Variants in PCDHGA3 observed in about 807,000 individuals in gnomAD.
PCDHGA3 encodes protocadherin gamma-A3.
PCDHGA3 carries 40 observed loss-of-function variants against 58.5 expected under a neutral mutation model. The ratio of observed to expected loss-of-function variants is 0.68; its 90% CI spans 0.53 to 0.89. The LOEUF (loss-of-function observed/expected upper bound fraction) is 0.89. Among genes scored for constraint, PCDHGA3 ranks in the 40% least tolerant of loss-of-function variants. PCDHGA3 has a pLI of 0.00. For missense variants in PCDHGA3, 1,223 were observed against 1,195.9 expected, an observed-to-expected ratio of 1.02 and a Z score of -0.33; for synonymous variants, 530 against 525.7, an observed-to-expected ratio of 1.01 and a Z score of -0.11.
chr5:141,415,828 G>T, intron 1 of PCDHGA3: 1 of 1,293,336 alleles, frequency 7.7e-7, no homozygotes, highest in East Asian at 2.8e-5. Flanking sequence ...ATAAGGCTTT[G>T]TTATGATTAG....
intron 1 of PCDHGA3, chr5:141,414,081 T>G: frequency 6.2e-7 from 1 of 1,601,774 alleles, no homozygotes; most frequent in Non-Finnish European, 8.5e-7. Context: ...ACAAATATAC[T>G]GGAGAAATAA....
intron 1 of PCDHGA3, chr5:141,356,177 G>A: frequency 6.2e-7 from 1 of 1,612,412 alleles, no homozygotes; most frequent in Non-Finnish European, 8.5e-7. Flanking sequence ...GATGGGCCTG[G>A]TCTCCGAGCT....
intron 1 of PCDHGA3, chr5:141,408,003 C>A: frequency 3.3e-6 from 3 of 917,520 alleles, no homozygotes; most frequent in Non-Finnish European, 4.7e-6. Context: ...GCCTGGGATT[C>A]CCTGCGCAGC....
At chr5:141,362,507 C>G in intron 1 of PCDHGA3, 1 of 1,613,994 alleles carries the variant, frequency 6.2e-7, no homozygotes, top group Non-Finnish European at 8.5e-7. Context: ...GAACAAAATA[C>G]AAATCATGGA....
intron 1 of PCDHGA3, among the ~76,000 whole-genome samples, chr5:141,402,229 AG>A (rs1400203598): frequency 6.6e-6 from 1 of 152,110 alleles, no homozygotes; most frequent in Non-Finnish European, 1.5e-5. Context: ...ACGTTTTTCC[AG>A]GAATTTTATC....
At chr5:141,356,311 G>A (rs1760187791) in intron 1 of PCDHGA3, 1 of 1,554,072 alleles carries the variant, frequency 6.4e-7, no homozygotes. Context: ...ACTTTTCAAC[G>A]TGCATGACAG....
At position 141,485,729 on chromosome 5, in the gene PCDHGA3, A is replaced by G. The variant is rs2099618322; in HGVS notation, c.2425-9078A>G. 6.2e-7 allele frequency: 1 copy of G among 1,614,092 alleles called. No individual in the cohort carries two copies. The highest frequency in any genetic ancestry group is 1.1e-5 in the South Asian group (1 of 91,094). ...CTTTGCACTGGATGTGAAGAAGCGCAGCGACGGCAGCCTGGTCCCAGAGCT... is the reference window on the plus strand; with the variant it reads ...CTTTGCACTGGATGTGAAGAAGCGCGGCGACGGCAGCCTGGTCCCAGAGCT... On this transcript the variant is annotated intron_variant, in intron 1 of 3. Coordinates refer to ENST00000253812, the MANE Select transcript of PCDHGA3 (RefSeq NM_018916.4). This position sits in a 1 kb window ranked among gnomAD's most constrained non-coding sequence, Gnocchi z 5.7.
chr5:141,408,806 C>A (rs1368887332), intron 1 of PCDHGA3: 2 of 1,612,894 alleles, frequency 1.2e-6, no homozygotes, highest in African/African-American at 1.3e-5. Flanking sequence ...ACTCCTAGAC[C>A]GGGAAGAACA....
At chr5:141,417,787 T>C in intron 1 of PCDHGA3, 1 of 1,477,124 alleles carries the variant, frequency 6.8e-7, no homozygotes, top group Non-Finnish European at 9.0e-7. Flanking sequence ...CTGGGCCGAA[T>C]GCTCTTTTAG....
rs779191558 is a variant in PCDHGA3 at position 141,491,465 on chromosome 5, A to T, written c.2425-3342A>T. 3.1e-6 allele frequency: 5 copies of T among 1,614,092 alleles called. No homozygotes were observed. Among genetic ancestry groups the T allele is most frequent in the Non-Finnish European group, 4.2e-6 (5 of 1,180,010 alleles). On this transcript the variant is annotated intron_variant, in intron 1 of 3. Transcript: ENST00000253812. The surrounding 1 kb of genome is among the most constrained non-coding windows in gnomAD (Gnocchi z 6.9). ...CAGGACTCACCCTCCCCGGACTTCT[A>T]TAAGCAGTCCAGCCCCAACCTGCAG... is the stretch of plus-strand genomic sequence containing the variant.
chr5:141,486,456 C>G lies in PCDHGA3; in HGVS notation c.2425-8351C>G. ...AGCTATGACATCATGGTCACTGCTT[C>G]TGATGCTGGGAACCCTCCTCTCAGT... is the stretch of plus-strand genomic sequence containing the variant. On this transcript the variant is annotated intron_variant, in intron 1 of 3. Transcript: ENST00000253812. The surrounding 1 kb of genome is among the most constrained non-coding windows in gnomAD (Gnocchi z 5.0). The G allele has an allele frequency of 1.9e-6, 3 of 1,614,052 alleles. No homozygotes were observed. In the South Asian group the frequency reaches 3.3e-5, roughly 18 times the overall value.
At chr5:141,499,423 GA>G (rs1229901490) in intron 2 of PCDHGA3, among the ~76,000 whole-genome samples, 3 of 151,756 alleles carry the variant, frequency 2.0e-5, no homozygotes, top group Non-Finnish European at 2.9e-5. Flanking sequence ...ATGAAAAATA[GA>G]AAAAAAATTA....
rs768722501 is a variant in PCDHGA3 at position 141,352,217 on chromosome 5, A to G, written c.2424+5760A>G. The stretch of plus-strand genomic sequence containing the variant: ...TGGAGGACAGCCGCCACTCTCCGCC[A>G]CCGCCACGCTGCACCTAATCTTCGC... On this transcript the variant is annotated intron_variant, in intron 1 of 3. Transcript: ENST00000253812. 1.8e-5 allele frequency: 29 copies of G among 1,613,998 alleles called. No individual in the cohort carries two copies. The South Asian group carries it at 2.9e-4, about 16-fold the overall frequency.
At chr5:141,371,417 T>C in intron 1 of PCDHGA3, 3 of 1,613,948 alleles carry the variant, frequency 1.9e-6, no homozygotes, top group Middle Eastern at 1.6e-4. Context: ...CAGATGAAAA[T>C]GACAATGCCC....
intron 1 of PCDHGA3, chr5:141,428,464 G>A (rs904800167): frequency 1.1e-4 from 37 of 344,652 alleles, no homozygotes; most frequent in African/African-American, 6.3e-4. Context: ...CTACAATGAG[G>A]GAACTTTGCT....
At chr5:141,350,520 T>A in intron 1 of PCDHGA3, 1 of 1,614,008 alleles carries the variant, frequency 6.2e-7, no homozygotes, top group Non-Finnish European at 8.5e-7. Flanking sequence ...AACGGTAGGA[T>A]AGATCGAGAG....
chr5:141,485,408 T>G lies in PCDHGA3; in HGVS notation c.2425-9399T>G. On this transcript the variant is annotated intron_variant, in intron 1 of 3. Transcript: ENST00000253812. The surrounding 1 kb of genome is among the most constrained non-coding windows in gnomAD (Gnocchi z 5.7). ...GAACCAAAGACACTTCCGTGTGGAT[T>G]TGGACAGCGGAGCCCTGCTCATCAA... 1 of 1,614,112 alleles carries G rather than the reference T, an allele frequency of 6.2e-7. No individual in the cohort carries two copies. The highest frequency in any genetic ancestry group is 8.5e-7 in the Non-Finnish European group (1 of 1,180,034).
rs1226558966 is a variant in PCDHGA3, at chr5:141,432,589, G to C, written c.2425-62218G>C. The C allele has an allele frequency of 6.2e-7, 1 of 1,613,916 alleles. No homozygotes were observed. The highest frequency in any genetic ancestry group is 8.5e-7 in the Non-Finnish European group (1 of 1,179,974). The stretch of plus-strand genomic sequence containing the variant: ...CCTGGCTGTCCTACCGTCTGCTCAA[G>C]GCCAGCGAGCCGGGACTCTTCTCGG... On this transcript the variant is annotated intron_variant, in intron 1 of 3. Coordinates refer to ENST00000253812, the MANE Select transcript of PCDHGA3 (RefSeq NM_018916.4). The surrounding 1 kb of genome is among the most constrained non-coding windows in gnomAD (Gnocchi z 6.0).
chr5:141,458,612 C>T (rs1381385841), intron 1 of PCDHGA3, among the ~76,000 whole-genome samples: 1 of 152,084 alleles, frequency 6.6e-6, no homozygotes, highest in Non-Finnish European at 1.5e-5. Flanking sequence ...CTCTGTCAGC[C>T]AGGCTGGAGT....
Sources: allele counts gnomAD v4.1 joint callset (sites outside exome capture counted in the v4.1 genomes callset), GRCh38; gene constraint gnomAD v4.1.1; non-coding constraint Gnocchi (gnomAD v3.1); transcripts MANE v1.5; gene names NCBI Gene and HGNC (gene_info 2026-07-23, HGNC 2026-07-21).